Variants in SV2C observed in about 807,000 individuals in gnomAD.
SV2C encodes the protein solute carrier family 22 member B3.
Under a neutral mutation model 79.7 loss-of-function variants are expected in SV2C, and 49 were observed. That is an observed-to-expected ratio of 0.61 (90% CI 0.49 to 0.78). The LOEUF (loss-of-function observed/expected upper bound fraction) is 0.78, where lower values mean the gene tolerates loss of function less well. Ranked by LOEUF, SV2C falls within the 30% of genes least tolerant of loss-of-function variation. SV2C has a pLI of 0.00. For missense variants in SV2C, 833 were observed against 912.9 expected, an observed-to-expected ratio of 0.91 and a Z score of 1.13; for synonymous variants, 334 against 333.2, an observed-to-expected ratio of 1.00 and a Z score of -0.03.
At chr5:76,295,692 A>G (rs879207821) in intron 8 of SV2C, 86 bp from the exon 9 acceptor site, 2 of 1,356,886 alleles carry the variant, frequency 1.5e-6, no homozygotes, top group Non-Finnish European at 2.0e-6. Context: ...TCCGGGAACT[A>G]TTACCAGTCT....
chr5:75,893,131 A>G, the SV2C span, among the ~76,000 whole-genome samples: 1 of 152,004 alleles, frequency 6.6e-6, no homozygotes. Flanking sequence ...TTGGTGTAAG[A>G]TGGTATCTCA....
the SV2C span, among the ~76,000 whole-genome samples, chr5:75,949,061 T>C: frequency 6.6e-6 from 1 of 151,902 alleles, no homozygotes; most frequent in East Asian, 2.0e-4. Context: ...CCATAGTGAG[T>C]GAGTTCTCCT....
chr5:76,039,182 C>G, the SV2C span, among the ~76,000 whole-genome samples: 1 of 152,180 alleles, frequency 6.6e-6, no homozygotes, highest in African/African-American at 2.4e-5. Flanking sequence ...TCTGCTCTGT[C>G]CTTTATTTCC....
chr5:76,084,886 C>G (rs1383722672), intron 1 of SV2C, among the ~76,000 whole-genome samples: 1 of 151,794 alleles, frequency 6.6e-6, no homozygotes, highest in Non-Finnish European at 1.5e-5. Flanking sequence ...CCTGGGCTGG[C>G]GGGCAGGCGG....
At chr5:75,850,898 C>T in the SV2C span, among the ~76,000 whole-genome samples, 88 of 152,224 alleles carry the variant, frequency 5.8e-4, no homozygotes, top group Non-Finnish European at 1.0e-3. Flanking sequence ...AGCCGAGGGG[C>T]TGTTGATAAG....
At chr5:75,959,149 C>A in the SV2C span, among the ~76,000 whole-genome samples, 1 of 151,880 alleles carries the variant, frequency 6.6e-6, no homozygotes. Context: ...AGGATAAAAA[C>A]GATAGGGTTT....
intron 3 of SV2C, among the ~76,000 whole-genome samples, chr5:76,201,755 A>G (rs576007985): frequency 1.4e-3 from 213 of 152,298 alleles, no homozygotes; most frequent in African/African-American, 4.9e-3. Flanking sequence ...ACGGTGGCTC[A>G]TGCCTGTAAT....
At chr5:76,302,206 C>T (rs914522587) in intron 12 of SV2C, among the ~76,000 whole-genome samples, 6 of 152,138 alleles carry the variant, frequency 3.9e-5, no homozygotes, top group African/African-American at 1.4e-4. Context: ...CTTAGAGGGT[C>T]GTTTCCTTAG....
chr5:76,060,840 G>A, the SV2C span, among the ~76,000 whole-genome samples: 1 of 152,004 alleles, frequency 6.6e-6, no homozygotes, highest in Admixed American at 6.6e-5. Context: ...TCCTCACGAA[G>A]CTTATTAATA....
intron 2 of SV2C, among the ~76,000 whole-genome samples, chr5:76,149,324 C>T (rs1316165625): frequency 6.6e-6 from 1 of 152,136 alleles, no homozygotes; most frequent in Non-Finnish European, 1.5e-5. Flanking sequence ...TAGACCAGTG[C>T]CCCCCAGACA....
the SV2C span, among the ~76,000 whole-genome samples, chr5:75,992,686 G>A: frequency 3.9e-5 from 6 of 151,966 alleles, no homozygotes; most frequent in South Asian, 2.1e-4. Context: ...TGGTAAATCC[G>A]TGTGACATTT....
chr5:76,312,767 C>A (rs1186048401), intron 12 of SV2C, among the ~76,000 whole-genome samples: 1 of 152,150 alleles, frequency 6.6e-6, no homozygotes, highest in Non-Finnish European at 1.5e-5. Flanking sequence ...CTTATGCATG[C>A]ACAGTTTCAG....
intron 4 of SV2C, among the ~76,000 whole-genome samples, chr5:76,246,550 T>C (rs1026945962): frequency 6.6e-6 from 1 of 152,050 alleles, no homozygotes; most frequent in Admixed American, 6.6e-5. Context: ...AGGAGGAAAA[T>C]CTCTGACTTG....
the SV2C span, among the ~76,000 whole-genome samples, chr5:75,879,352 A>C: frequency 6.6e-6 from 1 of 152,282 alleles, no homozygotes; most frequent in South Asian, 2.1e-4. Flanking sequence ...TCCACCTATG[A>C]ACCTTTAAAA....
upstream of SV2C, among the ~76,000 whole-genome samples, chr5:76,080,935 G>T (rs2112073918): frequency 6.6e-6 from 1 of 152,340 alleles, no homozygotes; most frequent in Non-Finnish European, 1.5e-5. Context: ...CCTAGAACCA[G>T]AACTGCTTTA....
At chr5:76,197,031 G>A (rs1211072387) in intron 3 of SV2C, among the ~76,000 whole-genome samples, 1 of 152,184 alleles carries the variant, frequency 6.6e-6, no homozygotes, top group Non-Finnish European at 1.5e-5. Context: ...GGACTCCCGG[G>A]GGCTGGGAAT....
At chr5:76,128,355 C>T (rs1247905847) in intron 1 of SV2C, among the ~76,000 whole-genome samples, 3 of 152,174 alleles carry the variant, frequency 2.0e-5, no homozygotes, top group African/African-American at 7.2e-5. Flanking sequence ...ATTCTCTTTA[C>T]TTCAGAATGT....
At position 76,194,936 on chromosome 5, in the gene SV2C, G is replaced by A. The variant is rs756287728; in HGVS notation, c.598G>A (p.Gly200Arg). The change falls in exon 3 of 13, where the codon GGG becomes AGG. Residue 200 changes from glycine (G) to arginine (R), a missense_variant. By Grantham distance (125) the Gly-to-Arg change is moderately radical. Coordinates refer to ENST00000502798, the MANE Select transcript of SV2C (RefSeq NM_014979.4). ...TGTTGCAGGCAGCATAGTGTACCTCGGGATGATGGTGGGGGCGTTCTTCTG... is the reference window on the plus strand; with the variant it reads ...TGTTGCAGGCAGCATAGTGTACCTCAGGATGATGGTGGGGGCGTTCTTCTG... The part of the protein sequence containing the change: ...SGWLGSIVYL[G>R]MMVGAFFWGG... The A allele has an allele frequency of 5.6e-6, 9 of 1,613,820 alleles. No individual in the cohort carries two copies. Among genetic ancestry groups the A allele is most frequent in the South Asian group, 2.2e-5 (2 of 91,052 alleles).
chr5:76,111,082 T>C (rs1201606995), intron 1 of SV2C, among the ~76,000 whole-genome samples: 2 of 152,222 alleles, frequency 1.3e-5, no homozygotes, highest in African/African-American at 4.8e-5. Flanking sequence ...TGATGTCCCA[T>C]GAATGCATAT....
Sources: allele counts gnomAD v4.1 joint callset (sites outside exome capture counted in the v4.1 genomes callset), GRCh38; gene constraint gnomAD v4.1.1; transcripts MANE v1.5; gene names NCBI Gene and HGNC (gene_info 2026-07-23, HGNC 2026-07-21).